CCSER2: variants seen among roughly 807,000 people sequenced by gnomAD.
The protein encoded by CCSER2 is coiled-coil serine rich protein 2, also known as serine-rich coiled-coil domain-containing protein 2.
In CCSER2, 46 loss-of-function variants were observed where a neutral mutation model predicts 92.3. That is an observed-to-expected ratio of 0.50 (90% CI 0.39 to 0.64). The LOEUF (loss-of-function observed/expected upper bound fraction) is 0.64, where lower values mean the gene tolerates loss of function less well. Among genes scored for constraint, CCSER2 ranks in the 30% least tolerant of loss-of-function variants. The pLI is 0.00. For synonymous variants in CCSER2, 433 were observed against 431.4 expected (o/e 1.00, Z -0.04); for missense variants, 1,244 against 1,238.9 (o/e 1.00, Z -0.06).
At chr10:84,398,277 C>A (rs1841946728) in intron 3 of CCSER2, among the ~76,000 whole-genome samples, 1 of 152,182 alleles carries the variant, frequency 6.6e-6, no homozygotes, top group Admixed American at 6.5e-5. Flanking sequence ...CTCCCTCTTC[C>A]ATTCTGAGTG....
At chr10:84,416,648 G>T (rs1842899396) in intron 3 of CCSER2, among the ~76,000 whole-genome samples, 1 of 151,832 alleles carries the variant, frequency 6.6e-6, no homozygotes, top group Non-Finnish European at 1.5e-5. Context: ...AGTTTTTTTG[G>T]CTGGGCGCGG....
intron 9 of CCSER2, among the ~76,000 whole-genome samples, chr10:84,502,367 CTT>C (rs562377515): frequency 2.7e-5 from 3 of 111,266 alleles, no homozygotes; most frequent in Admixed American, 1.9e-4. Flanking sequence ...TTGATGACTT[CTT>C]TTTTTTTTTT....
chr10:84,485,574 G>A (rs1459383951), intron 9 of CCSER2, among the ~76,000 whole-genome samples: 1 of 152,122 alleles, frequency 6.6e-6, no homozygotes, highest in Admixed American at 6.6e-5. Context: ...TTATTGCTGA[G>A]TACTGTTCCA....
intron 9 of CCSER2, among the ~76,000 whole-genome samples, chr10:84,505,708 T>G (rs1243605643): frequency 6.6e-6 from 1 of 152,180 alleles, no homozygotes; most frequent in Non-Finnish European, 1.5e-5. Flanking sequence ...GACTATCTAG[T>G]ATAGTCATTG....
chr10:84,461,622 A>C (rs1457743882), intron 6 of CCSER2, among the ~76,000 whole-genome samples: 1 of 150,380 alleles, frequency 6.6e-6, no homozygotes, highest in Admixed American at 6.6e-5. Flanking sequence ...GACTCTTTTC[A>C]GGTCTAAAAT....
intron 3 of CCSER2, among the ~76,000 whole-genome samples, chr10:84,395,662 C>T (rs970748391): frequency 6.6e-6 from 1 of 152,084 alleles, no homozygotes; most frequent in East Asian, 1.9e-4. Flanking sequence ...CATGGAGACA[C>T]AGATAGGAAA....
chr10:84,367,516 A>G (rs1845838480), intron 1 of CCSER2, among the ~76,000 whole-genome samples: 1 of 152,036 alleles, frequency 6.6e-6, no homozygotes, highest in Non-Finnish European at 1.5e-5. Flanking sequence ...AGCTGGGACA[A>G]CAGGTGTGTG....
At chr10:84,406,606 A>ATCC in intron 3 of CCSER2, among the ~76,000 whole-genome samples, 1 of 152,182 alleles carries the variant, frequency 6.6e-6, no homozygotes, top group Non-Finnish European at 1.5e-5. Flanking sequence ...TCTTACGGGA[A>ATCC]GCCTCTGGAA....
chr10:84,367,718 T>C (rs1475830546), intron 1 of CCSER2, among the ~76,000 whole-genome samples: 2 of 151,938 alleles, frequency 1.3e-5, no homozygotes, highest in Non-Finnish European at 2.9e-5. Flanking sequence ...TTTTTTTTTT[T>C]TTTCTTTCAA....
At chr10:84,474,389 G>A (rs1390095771) in intron 8 of CCSER2, among the ~76,000 whole-genome samples, 3 of 152,054 alleles carry the variant, frequency 2.0e-5, no homozygotes, top group Non-Finnish European at 4.4e-5. Flanking sequence ...GGCTGGGCAC[G>A]GTGGCTCATA....
At chr10:84,381,847 C>T (rs762017219) in intron 3 of CCSER2, among the ~76,000 whole-genome samples, 1 of 147,068 alleles carries the variant, frequency 6.8e-6, no homozygotes, top group East Asian at 2.1e-4. Context: ...TGCTTGAACC[C>T]GGGCGGCAGA....
chr10:84,406,868 A>G (rs905037327), intron 3 of CCSER2, among the ~76,000 whole-genome samples: 2 of 152,176 alleles, frequency 1.3e-5, no homozygotes, highest in Non-Finnish European at 2.9e-5. Flanking sequence ...ATGATTTCTA[A>G]GCTGGTGAAG....
intron 3 of CCSER2, among the ~76,000 whole-genome samples, chr10:84,403,016 AAATAAG>A (rs1842199063): frequency 6.6e-6 from 1 of 152,208 alleles, no homozygotes. Context: ...CAATTTTGAA[AAATAAG>A]AATAAAGTGG....
intron 9 of CCSER2, among the ~76,000 whole-genome samples, chr10:84,484,014 G>A (rs934562758): frequency 1.2e-5 from 1 of 80,796 alleles, no homozygotes; most frequent in Non-Finnish European, 2.6e-5. Context: ...TTTTTTTTTT[G>A]AGACGGAGTC....
chr10:84,365,180 A>T (rs1589451184), intron 1 of CCSER2, among the ~76,000 whole-genome samples: 3 of 152,338 alleles, frequency 2.0e-5, no homozygotes, highest in Admixed American at 2.0e-4. Flanking sequence ...ACTAAATTAA[A>T]GCTCACAGAT....
chr10:84,512,120 C>T (rs1204259753), intron 9 of CCSER2, among the ~76,000 whole-genome samples: 3 of 152,008 alleles, frequency 2.0e-5, no homozygotes, highest in African/African-American at 7.2e-5. Context: ...ATAATCTAAT[C>T]CCTGGCTGCT....
chr10:84,359,394 G>T (rs1845378367), intron 1 of CCSER2, among the ~76,000 whole-genome samples: 1 of 152,152 alleles, frequency 6.6e-6, no homozygotes, highest in Admixed American at 6.6e-5. Context: ...GATAATAGGG[G>T]TTAAAATAGA....
At chr10:84,390,968 T>A (rs1320990674) in intron 3 of CCSER2, 1 of 766,052 alleles carries the variant, frequency 1.3e-6, no homozygotes, top group Non-Finnish European at 2.5e-6. Context: ...GATACCCTGG[T>A]CTTTGCATTT....
rs114531810 is a variant in CCSER2 at position 84,442,377 on chromosome 10, G to A, written c.2064+3670G>A. ...GATTAGTTGGGGAAATTTGAACATA[G>A]GCTGTATATTAGATGAGATGGAAAT... is the stretch of plus-strand genomic sequence containing the variant. On this transcript the variant is annotated intron_variant, in intron 6 of 9. Transcript: ENST00000372088. Among the ~76,000 whole-genome samples the A allele has an allele frequency of 8.8e-3, 1,346 of 152,234 alleles. 17 individuals carry two copies. Among genetic ancestry groups the A allele is most frequent in the African/African-American group, 0.031 (1,276 of 41,564 alleles).
Sources: gnomAD v4.1 joint callset for allele counts (sites outside exome capture counted in the v4.1 genomes callset) on GRCh38, gnomAD v4.1.1 for gene constraint, MANE v1.5 for transcripts, NCBI Gene and HGNC (gene_info 2026-07-23, HGNC 2026-07-21) for gene names.